PRKN: variants seen among roughly 807,000 people sequenced by gnomAD.
The protein encoded by PRKN is E3 ubiquitin-protein ligase parkin.
In PRKN, 56 loss-of-function variants were observed where a neutral mutation model predicts 59.5. The observed-to-expected ratio is 0.94, with a 90% CI of 0.76 to 1.18. PRKN has a LOEUF of 1.18. Among genes scored for constraint, PRKN ranks in the 50% most tolerant of loss-of-function variants. The probability of loss-of-function intolerance (pLI) is 0.00; values close to 1 mark genes in which losing one functional copy is unlikely to be tolerated. For missense variants in PRKN, 657 were observed against 596.4 expected, an observed-to-expected ratio of 1.10 and a Z score of -1.06; for synonymous variants, 250 against 222.1, an observed-to-expected ratio of 1.13 and a Z score of -1.12.
chr6:162,636,308 A>G (rs1777709643), intron 1 of PRKN, among the ~76,000 whole-genome samples: 1 of 152,216 alleles, frequency 6.6e-6, no homozygotes, highest in South Asian at 2.1e-4. Context: ...AACATGAAAT[A>G]AATAGCACCA....
At chr6:162,387,555 C>CACAGAGAGAG (rs1212726833) in intron 2 of PRKN, among the ~76,000 whole-genome samples, 2 of 95,632 alleles carry the variant, frequency 2.1e-5, no homozygotes, top group African/African-American at 8.2e-5. Context: ...CACACACACA[C>CACAGAGAGAG]AGAGAGAGAG....
chr6:161,900,854 A>G (rs1777885425), intron 6 of PRKN, among the ~76,000 whole-genome samples: 1 of 142,358 alleles, frequency 7.0e-6, no homozygotes, highest in African/African-American at 2.6e-5. Flanking sequence ...ATAATTACAT[A>G]TATAATATAT....
At position 161,445,715 on chromosome 6, in the gene PRKN, G is replaced by A. The variant is rs1789453319; in HGVS notation, c.1084-58838C>T. 1.3e-5 allele frequency among the ~76,000 whole-genome samples: 2 copies of A among 152,198 alleles called. No individual in the cohort carries two copies. Among genetic ancestry groups the A allele is most frequent in the Admixed American group, 6.5e-5 (1 of 15,280 alleles). ...GGCAGAGTGCATGGTCTCCCTTCAC[G>A]TGCGGGGCCAGGTGACTGCACAGAG... On this transcript the variant is annotated intron_variant, in intron 9 of 11. Coordinates refer to ENST00000366898, the MANE Select transcript of PRKN (RefSeq NM_004562.3). This position sits in a 1 kb window ranked among gnomAD's most constrained non-coding sequence, Gnocchi z 7.7.
At chr6:162,073,046 G>C (rs1216024428) in intron 4 of PRKN, among the ~76,000 whole-genome samples, 2 of 152,290 alleles carry the variant, frequency 1.3e-5, no homozygotes, top group South Asian at 2.1e-4. Flanking sequence ...TATCTGTAAA[G>C]TGTGGGTACA....
chr6:161,642,777 T>C (rs1340573224), intron 7 of PRKN, among the ~76,000 whole-genome samples: 1 of 152,232 alleles, frequency 6.6e-6, no homozygotes, highest in African/African-American at 2.4e-5. Context: ...GAGCCAAGGA[T>C]AGAAGGAACT....
intron 1 of PRKN, among the ~76,000 whole-genome samples, chr6:162,600,360 T>A (rs1781656021): frequency 6.6e-6 from 1 of 152,226 alleles, no homozygotes; most frequent in Admixed American, 6.5e-5. Flanking sequence ...CACAAATTGT[T>A]TATTCTTTCT....
chr6:162,418,650 A>T (rs111280703), intron 2 of PRKN, among the ~76,000 whole-genome samples: 1 of 65,440 alleles, frequency 1.5e-5, no homozygotes. Context: ...GTGTGTGTGT[A>T]TGCGTGTGTG....
At chr6:162,141,062 G>A (rs980605270) in intron 4 of PRKN, among the ~76,000 whole-genome samples, 11 of 151,924 alleles carry the variant, frequency 7.2e-5, no homozygotes, top group African/African-American at 1.9e-4. Context: ...CCCGGGAGGC[G>A]GAGCTTGCAG....
At chr6:161,439,274 CA>C (rs1330407312) in intron 9 of PRKN, among the ~76,000 whole-genome samples, 1 of 152,170 alleles carries the variant, frequency 6.6e-6, no homozygotes, top group Non-Finnish European at 1.5e-5. Context: ...GGCCTCCCTC[CA>C]AAAACATGGA....
intron 6 of PRKN, among the ~76,000 whole-genome samples, chr6:161,882,810 C>A (rs1465989638): frequency 6.6e-6 from 1 of 151,856 alleles, no homozygotes; most frequent in Non-Finnish European, 1.5e-5. Flanking sequence ...TCGAGACCAG[C>A]CTGGCCAACA....
At chr6:161,980,240 A>G (rs1182442602) in intron 5 of PRKN, among the ~76,000 whole-genome samples, 1 of 152,176 alleles carries the variant, frequency 6.6e-6, no homozygotes, top group Non-Finnish European at 1.5e-5. Flanking sequence ...TATTGTATCT[A>G]TCTTCACAAA....
At chr6:162,218,797 AC>A (rs1401695005) in intron 3 of PRKN, among the ~76,000 whole-genome samples, 1 of 151,926 alleles carries the variant, frequency 6.6e-6, no homozygotes, top group Non-Finnish European at 1.5e-5. Context: ...ATGGGCCTCC[AC>A]TCATGTTCCT....
chr6:162,306,222 T>G (rs1251530403), intron 2 of PRKN, among the ~76,000 whole-genome samples: 1 of 152,170 alleles, frequency 6.6e-6, no homozygotes, highest in Non-Finnish European at 1.5e-5. Flanking sequence ...AGATGTACAA[T>G]GGTCAGAGAT....
At chr6:161,603,317 T>C (rs889369297) in intron 7 of PRKN, among the ~76,000 whole-genome samples, 2 of 152,212 alleles carry the variant, frequency 1.3e-5, no homozygotes, top group Admixed American at 1.3e-4. Flanking sequence ...ACTCAGCTGA[T>C]CACAGGCAGT....
At position 161,603,504 on chromosome 6, in the gene PRKN, CTGTT is replaced by C. The variant is rs952525984; in HGVS notation, c.872-34092_872-34089del. Among the ~76,000 whole-genome samples, 8 of 152,320 alleles carry C rather than the reference CTGTT, an allele frequency of 5.3e-5. No homozygotes were observed. In the East Asian group the frequency reaches 7.7e-4, roughly 15 times the overall value. ...CACTTGTGGCTAGATTCATAAATCA[CTGTT>C]TGCGCACATAAGCTGTTTAAAATTT... On this transcript the variant is annotated intron_variant, in intron 7 of 11. Coordinates refer to ENST00000366898, the MANE Select transcript of PRKN (RefSeq NM_004562.3).
chr6:162,390,987 G>A (rs953645402), intron 2 of PRKN, among the ~76,000 whole-genome samples: 2 of 152,128 alleles, frequency 1.3e-5, no homozygotes, highest in Non-Finnish European at 2.9e-5. Context: ...TTTTAATTCA[G>A]ATGCTGAATT....
chr6:162,096,538 C>T (rs1037797548), intron 4 of PRKN, among the ~76,000 whole-genome samples: 1 of 152,166 alleles, frequency 6.6e-6, no homozygotes, highest in East Asian at 1.9e-4. Flanking sequence ...ATAATTCCCA[C>T]ATGTTGTGGG....
chr6:161,959,308 C>T (rs770265884), intron 6 of PRKN, among the ~76,000 whole-genome samples: 2 of 152,086 alleles, frequency 1.3e-5, no homozygotes, highest in Non-Finnish European at 2.9e-5. Flanking sequence ...AGAGGCTGAG[C>T]GAGCTGGGGA....
intron 7 of PRKN, among the ~76,000 whole-genome samples, chr6:161,603,696 G>T (rs1583281541): frequency 6.6e-6 from 1 of 152,094 alleles, no homozygotes; most frequent in African/African-American, 2.4e-5. Context: ...ATTTTGATGG[G>T]GTTTGGGGAA....
Sources: allele counts gnomAD v4.1 joint callset (sites outside exome capture counted in the v4.1 genomes callset), GRCh38; gene constraint gnomAD v4.1.1; non-coding constraint Gnocchi (gnomAD v3.1); transcripts MANE v1.5; gene names NCBI Gene and HGNC (gene_info 2026-07-23, HGNC 2026-07-21).